The following TMEM232 variants were observed in gnomAD, a reference collection of about 807,000 sequenced individuals.
TMEM232 encodes the protein transmembrane protein 232.
A neutral mutation model predicts 78.8 loss-of-function variants in TMEM232; 80 were observed. That is an observed-to-expected ratio of 1.01 (90% CI 0.85 to 1.22). TMEM232 has a LOEUF of 1.22. Among genes scored for constraint, TMEM232 ranks in the 50% most tolerant of loss-of-function variants. The probability of loss-of-function intolerance (pLI) is 0.00; values close to 1 mark genes in which losing one functional copy is unlikely to be tolerated. For missense variants in TMEM232, 881 were observed against 742.2 expected, an observed-to-expected ratio of 1.19 and a Z score of -2.17; for synonymous variants, 297 against 254.3, an observed-to-expected ratio of 1.17 and a Z score of -1.60.
intron 1 of TMEM232, among the ~76,000 whole-genome samples, chr5:110,691,725 G>A (rs183130627): frequency 6.6e-6 from 1 of 152,212 alleles, no homozygotes; most frequent in Non-Finnish European, 1.5e-5. Context: ...AAACCTACAT[G>A]CTCATTAACA....
intron 2 of TMEM232, among the ~76,000 whole-genome samples, chr5:110,405,646 A>G (rs1262102090): frequency 6.6e-6 from 1 of 151,348 alleles, no homozygotes; most frequent in African/African-American, 2.4e-5. Context: ...AATTTGTTGA[A>G]TGGGTCTTCA....
At chr5:110,647,494 C>T (rs1787657715) in intron 2 of TMEM232, among the ~76,000 whole-genome samples, 1 of 151,814 alleles carries the variant, frequency 6.6e-6, no homozygotes, top group Admixed American at 6.6e-5. Context: ...GTTATTATTG[C>T]TTATTTTATT....
intron 12 of TMEM232, among the ~76,000 whole-genome samples, chr5:110,436,774 G>A (rs1758483038): frequency 6.6e-6 from 1 of 151,924 alleles, no homozygotes; most frequent in Non-Finnish European, 1.5e-5. Context: ...GTAGCTATGT[G>A]GATTTGTTTC....
At chr5:110,649,887 T>C (rs1160862152) in intron 2 of TMEM232, among the ~76,000 whole-genome samples, 1 of 152,148 alleles carries the variant, frequency 6.6e-6, no homozygotes, top group African/African-American at 2.4e-5. Context: ...TCCTGTGGTT[T>C]GAATCTGACT....
intron 1 of TMEM232, among the ~76,000 whole-genome samples, chr5:110,703,334 T>C (rs1261365559): frequency 1.3e-5 from 2 of 152,058 alleles, no homozygotes; most frequent in African/African-American, 4.8e-5. Context: ...GGATTTCAGT[T>C]TGCTATGCTA....
intron 2 of TMEM232, among the ~76,000 whole-genome samples, chr5:110,401,190 A>T (rs1219268168): frequency 1.3e-5 from 2 of 151,732 alleles, no homozygotes; most frequent in Non-Finnish European, 2.9e-5. Flanking sequence ...AAGTTTGAAG[A>T]TGCTTAGTGG....
exon 5 of TMEM232, chr5:110,387,911 A>T (rs932277089): frequency 1.3e-5 from 2 of 152,228 alleles, no homozygotes; most frequent in East Asian, 3.9e-4. Context: ...ACTCTTGGAA[A>T]ATTCTCTGAG....
chr5:110,448,976 G>A (rs1475478074), intron 12 of TMEM232, among the ~76,000 whole-genome samples: 1 of 151,902 alleles, frequency 6.6e-6, no homozygotes, highest in African/African-American at 2.4e-5. Context: ...GAAGTCCATA[G>A]AAGGCAAAGG....
chr5:110,507,713 T>C (rs1286091267), intron 12 of TMEM232, among the ~76,000 whole-genome samples: 1 of 152,212 alleles, frequency 6.6e-6, no homozygotes, highest in Admixed American at 6.5e-5. Flanking sequence ...TTCTTCTTTC[T>C]GTATTTAATT....
chr5:110,701,204 G>A (rs1795407488), intron 1 of TMEM232, among the ~76,000 whole-genome samples: 1 of 151,876 alleles, frequency 6.6e-6, no homozygotes, highest in Admixed American at 6.6e-5. Context: ...CAAACACCAA[G>A]TATTATAACA....
chr5:110,669,862 C>G (rs1791128625), intron 1 of TMEM232, among the ~76,000 whole-genome samples: 3 of 152,146 alleles, frequency 2.0e-5, no homozygotes, highest in Admixed American at 6.5e-5. Flanking sequence ...AGCATATAAA[C>G]AGAACCAAAG....
At chr5:110,476,306 T>G (rs1763245490) in intron 12 of TMEM232, among the ~76,000 whole-genome samples, 1 of 151,896 alleles carries the variant, frequency 6.6e-6, no homozygotes, top group African/African-American at 2.4e-5. Context: ...TAAAAGGAAA[T>G]TTTGATACAA....
chr5:110,572,126 T>C (rs924782892), intron 10 of TMEM232, among the ~76,000 whole-genome samples: 7 of 151,942 alleles, frequency 4.6e-5, no homozygotes, highest in Non-Finnish European at 1.0e-4. Context: ...CTCAGGAGAC[T>C]GAAACAATAA....
intron 1 of TMEM232, among the ~76,000 whole-genome samples, chr5:110,726,111 C>T (rs958483142): frequency 2.2e-5 from 3 of 137,934 alleles, no homozygotes; most frequent in African/African-American, 7.9e-5. Context: ...CTCTCTTTCA[C>T]ACACACACAC....
intron 1 of TMEM232, among the ~76,000 whole-genome samples, chr5:110,686,889 A>T (rs547027436): frequency 2.6e-5 from 4 of 152,266 alleles, no homozygotes; most frequent in South Asian, 2.1e-4. Flanking sequence ...TTTCACGGTC[A>T]TTGTTAGGCC....
Position 110,667,305 on chromosome 5 carries a change from G to A in TMEM232, c.48C>T (p.Gly16=). 1 of 1,539,848 alleles carries A rather than the reference G, an allele frequency of 6.5e-7. No individual in the cohort carries two copies. Among genetic ancestry groups the A allele is most frequent in the Non-Finnish European group, 8.8e-7 (1 of 1,138,738 alleles). Residue 16 remains glycine (G), a synonymous_variant, in exon 2 of 14, where the codon GGC becomes GGT. Coordinates refer to ENST00000455884, the MANE Select transcript of TMEM232 (RefSeq NM_001039763.4). Reference sequence around the variant, plus strand: ...GCTCTTCATGATAAGGGGAAGATATGCCTCCACATGTATTAATCATAGGTG... The same window carrying A: ...GCTCTTCATGATAAGGGGAAGATATACCTCCACATGTATTAATCATAGGTG... The part of the protein sequence containing the change: ...NKSPMINTCG[G]ISSPYHEELW...
At chr5:110,405,677 T>G (rs532008865) in intron 2 of TMEM232, among the ~76,000 whole-genome samples, 2 of 149,088 alleles carry the variant, frequency 1.3e-5, no homozygotes, top group Non-Finnish European at 3.0e-5. Flanking sequence ...AAAAGAAAGA[T>G]TCAATGAACT....
At chr5:110,441,756 G>A (rs1759068842) in intron 12 of TMEM232, among the ~76,000 whole-genome samples, 1 of 152,162 alleles carries the variant, frequency 6.6e-6, no homozygotes, top group Admixed American at 6.5e-5. Flanking sequence ...CCAGAGAGGT[G>A]CTAAGGTTCT....
At chr5:110,651,695 G>A (rs903540227) in intron 2 of TMEM232, among the ~76,000 whole-genome samples, 3 of 152,056 alleles carry the variant, frequency 2.0e-5, no homozygotes, top group Admixed American at 2.0e-4. Context: ...GGGGGTGAGA[G>A]CAGAAACAGG....
Sources: gnomAD v4.1 joint callset for allele counts (sites outside exome capture counted in the v4.1 genomes callset) on GRCh38, gnomAD v4.1.1 for gene constraint, MANE v1.5 for transcripts, NCBI Gene and HGNC (gene_info 2026-07-23, HGNC 2026-07-21) for gene names.